The following PDE4D variants were observed in gnomAD, a reference collection of about 807,000 sequenced individuals.
PDE4D encodes phosphodiesterase 4D.
Under a neutral mutation model 87.4 loss-of-function variants are expected in PDE4D, and 24 were observed. The observed-to-expected ratio is 0.27, with a 90% CI of 0.20 to 0.39. PDE4D has a LOEUF of 0.39. Among genes scored for constraint, PDE4D ranks in the 10% least tolerant of loss-of-function variants. The pLI is 1.00. For synonymous variants in PDE4D, 384 were observed against 383.2 expected, an observed-to-expected ratio of 1.00 and a Z score of -0.02; for missense variants, 714 against 1,041.0, an observed-to-expected ratio of 0.69 and a Z score of 4.32.
At chr5:60,016,644 C>A (rs968794785) in intron 2 of PDE4D, among the ~76,000 whole-genome samples, 1 of 152,158 alleles carries the variant, frequency 6.6e-6, no homozygotes, top group African/African-American at 2.4e-5. Context: ...ATGTTCACAG[C>A]GTCTTCATCA....
At chr5:60,476,248 C>T (rs914897759) in intron 1 of PDE4D, among the ~76,000 whole-genome samples, 4 of 152,264 alleles carry the variant, frequency 2.6e-5, no homozygotes, top group South Asian at 2.1e-4. Context: ...CTAAAAGTAA[C>T]TGAGATGTCA....
chr5:59,051,115 T>C (rs184091897), intron 5 of PDE4D, among the ~76,000 whole-genome samples: 14 of 152,356 alleles, frequency 9.2e-5, no homozygotes, highest in Admixed American at 2.0e-4. Flanking sequence ...CTTACGCCTG[T>C]AATCCCAGCA....
chr5:59,586,942 G>A (rs1825238455), intron 1 of PDE4D: 1 of 985,254 alleles, frequency 1.0e-6, no homozygotes, highest in African/African-American at 1.7e-5. Context: ...GAGACGTGTC[G>A]GACAAAGGCC....
chr5:60,249,068 C>T (rs1748132732), intron 1 of PDE4D, among the ~76,000 whole-genome samples: 1 of 152,058 alleles, frequency 6.6e-6, no homozygotes, highest in South Asian at 2.1e-4. Context: ...AAATGGCCCA[C>T]TGCCATGCAA....
chr5:60,107,117 T>C (rs559517953), intron 2 of PDE4D, among the ~76,000 whole-genome samples: 211 of 151,898 alleles, frequency 1.4e-3, no homozygotes, highest in African/African-American at 5.0e-3. Flanking sequence ...CTAGCAAGAC[T>C]AATAAAGAAA....
intron 1 of PDE4D, among the ~76,000 whole-genome samples, chr5:59,292,569 C>T (rs1447223818): frequency 6.6e-6 from 1 of 152,080 alleles, no homozygotes; most frequent in African/African-American, 2.4e-5. Flanking sequence ...ATCCAGCATA[C>T]TTGGAGATAC....
At chr5:60,360,302 C>A (rs1403210506) in intron 1 of PDE4D, among the ~76,000 whole-genome samples, 10 of 152,194 alleles carry the variant, frequency 6.6e-5, no homozygotes, top group Non-Finnish European at 1.5e-4. Flanking sequence ...ATTCCAAGAT[C>A]TTTGCAGAAG....
intron 5 of PDE4D, among the ~76,000 whole-genome samples, chr5:59,110,679 C>G (rs1303795285): frequency 6.6e-6 from 1 of 152,086 alleles, no homozygotes; most frequent in African/African-American, 2.4e-5. Context: ...TGAGACTAGC[C>G]TAAGTGTCAT....
chr5:59,466,565 C>T (rs944009251), intron 1 of PDE4D, among the ~76,000 whole-genome samples: 3 of 152,212 alleles, frequency 2.0e-5, no homozygotes, highest in Admixed American at 2.0e-4. Flanking sequence ...CACTGCCTGA[C>T]TCAAACCTCT....
chr5:60,032,011 T>A (rs748303902), intron 2 of PDE4D, among the ~76,000 whole-genome samples: 42 of 152,218 alleles, frequency 2.8e-4, no homozygotes, highest in Non-Finnish European at 5.1e-4. Flanking sequence ...TGGTTAGTGA[T>A]AAACATTATA....
chr5:59,490,142 ACTGATTTT>A (rs1299857838), intron 1 of PDE4D, among the ~76,000 whole-genome samples: 13 of 152,250 alleles, frequency 8.5e-5, no homozygotes, highest in African/African-American at 2.6e-4. Context: ...CATTTTACAA[ACTGATTTT>A]CTTTTTCTTT....
chr5:59,838,033 T>C (rs1489292690), intron 1 of PDE4D, among the ~76,000 whole-genome samples: 1 of 152,050 alleles, frequency 6.6e-6, no homozygotes, highest in Non-Finnish European at 1.5e-5. Context: ...TTTACACACT[T>C]TAGTTAGAAT....
intron 1 of PDE4D, among the ~76,000 whole-genome samples, chr5:59,403,923 G>A (rs897834194): frequency 1.3e-5 from 2 of 152,148 alleles, no homozygotes; most frequent in African/African-American, 2.4e-5. Context: ...CCCACCAAAA[G>A]TGTAGGAGTG....
At chr5:59,600,989 G>A (rs1015322629) in intron 1 of PDE4D, among the ~76,000 whole-genome samples, 1 of 152,242 alleles carries the variant, frequency 6.6e-6, no homozygotes, top group Non-Finnish European at 1.5e-5. Context: ...AGAAGATGAT[G>A]TATGTGCCAA....
chr5:60,338,667 G>A (rs979870259), intron 1 of PDE4D, among the ~76,000 whole-genome samples: 2 of 152,230 alleles, frequency 1.3e-5, no homozygotes, highest in East Asian at 1.9e-4. Flanking sequence ...GGAAGTGCTT[G>A]TGTTCAAGGA....
At chr5:59,119,564 A>G (rs1385691678) in intron 5 of PDE4D, among the ~76,000 whole-genome samples, 1 of 152,186 alleles carries the variant, frequency 6.6e-6, no homozygotes, top group African/African-American at 2.4e-5. Context: ...GTGTTTTTCC[A>G]GTGGTGCTAA....
At chr5:59,299,859 C>T (rs1769840075) in intron 1 of PDE4D, among the ~76,000 whole-genome samples, 2 of 152,262 alleles carry the variant, frequency 1.3e-5, no homozygotes, top group Non-Finnish European at 2.9e-5. Context: ...CCTTTAATCC[C>T]AGCACTTTGG....
At chr5:60,086,199 G>C (rs371086754) in intron 2 of PDE4D, among the ~76,000 whole-genome samples, 1 of 152,086 alleles carries the variant, frequency 6.6e-6, no homozygotes, top group East Asian at 1.9e-4. Context: ...TAAAACAACA[G>C]GGGAAGCTGA....
chr5:59,181,541 C>CATATATATATATATATATA lies in PDE4D; in HGVS notation c.759-898_759-897insTATATATATATATATATAT, dbSNP rs61135815. ...CACTTTTAGATACATTCAAAGATGT[C>CATATATATATATATATATA]TGATATATATATATATATATATATA... On this transcript the variant is annotated intron_variant, in intron 4 of 14. Transcript: ENST00000340635. Among the ~76,000 whole-genome samples, 287 of 60,756 alleles carry CATATATATATATATATATA rather than the reference C, an allele frequency of 4.7e-3. 11 individuals carry two copies. The highest frequency in any genetic ancestry group is 0.015 in the African/African-American group (231 of 15,140). 39.9% of individuals were successfully genotyped at this position (60,756 alleles called of 152,430 possible). A position where few individuals can be genotyped will look rare whatever the true frequency, so the allele number is the denominator to read the frequency against.
Sources: allele counts gnomAD v4.1 joint callset (sites outside exome capture counted in the v4.1 genomes callset), GRCh38; gene constraint gnomAD v4.1.1; transcripts MANE v1.5; gene names NCBI Gene and HGNC (gene_info 2026-07-23, HGNC 2026-07-21).